TRIM49C: variants seen among roughly 807,000 people sequenced by gnomAD.
TRIM49C encodes tripartite motif containing 49C.
Under a neutral mutation model 21.4 loss-of-function variants are expected in TRIM49C, and 6 were observed. The observed-to-expected ratio is 0.28, with a 90% confidence interval of 0.15 to 0.55. TRIM49C has a LOEUF of 0.55. Ranked by LOEUF, TRIM49C falls within the 20% of genes least tolerant of loss-of-function variation. The probability of loss-of-function intolerance (pLI) is 0.94; values close to 1 mark genes in which losing one functional copy is unlikely to be tolerated. For synonymous variants in TRIM49C, 57 were observed against 148.1 expected (o/e 0.38, Z 4.47); for missense variants, 161 against 442.4 (o/e 0.36, Z 5.71).
Position 90,034,202 on chromosome 11 carries a change from C to A in TRIM49C, c.-4-1006C>A, listed in dbSNP as rs1327335391. Among the ~76,000 whole-genome samples, 314 of 114,896 alleles carry A rather than the reference C, an allele frequency of 2.7e-3. 12 individuals carry two copies. Among genetic ancestry groups the A allele is most frequent in the Non-Finnish European group, 3.3e-3 (202 of 60,910 alleles). The allele number at this position is 114,896 out of a possible 152,430, so 75.4% of individuals were successfully genotyped here. On this transcript the variant is annotated intron_variant, in intron 2 of 7. Transcript: ENST00000448984. ...AGAGACGGAGGAAGTTGCCTTTTTT[C>A]TGCCTTTTTCTTTATATCTGAGGTG...
the TRIM49C span, among the ~76,000 whole-genome samples, chr11:90,067,020 A>G: frequency 7.3e-6 from 1 of 137,436 alleles, no homozygotes. Flanking sequence ...TGCTATTATC[A>G]TTTTAGACTT....
chr11:90,046,427 T>C (rs1378216878), downstream of TRIM49C, among the ~76,000 whole-genome samples: 3 of 126,972 alleles, frequency 2.4e-5, no homozygotes, highest in African/African-American at 6.2e-5. Context: ...ATTTGGTTTG[T>C]AGGCTCATAA....
chr11:90,060,307 AG>A, the TRIM49C span, among the ~76,000 whole-genome samples: 1 of 147,408 alleles, frequency 6.8e-6, no homozygotes, highest in Non-Finnish European at 1.5e-5. Context: ...TAATTATGAG[AG>A]ATTTTTCCTT....
At chr11:90,056,193 C>T in the TRIM49C span, among the ~76,000 whole-genome samples, 18 of 137,390 alleles carry the variant, frequency 1.3e-4, 5 homozygotes, top group Non-Finnish European at 2.5e-4. Context: ...ATCTCCTGAC[C>T]TTGTGATCCG....
At chr11:90,039,443 T>C (rs1950753833) in intron 6 of TRIM49C, among the ~76,000 whole-genome samples, 1 of 129,346 alleles carries the variant, frequency 7.7e-6, no homozygotes, top group Non-Finnish European at 1.6e-5. Context: ...TATAAGTCTC[T>C]AGGGAAGTTC....
the TRIM49C span, among the ~76,000 whole-genome samples, chr11:90,066,853 TG>T: frequency 7.3e-6 from 1 of 137,712 alleles, no homozygotes; most frequent in Non-Finnish European, 1.6e-5. Context: ...CTGCAACCTC[TG>T]CCTCCGAGGT....
the TRIM49C span, chr11:90,051,866 G>C: frequency 7.1e-6 from 3 of 421,690 alleles, 1 homozygote; most frequent in Non-Finnish European, 4.3e-6. Flanking sequence ...GGCAGCGGGC[G>C]CTTCTCCTGC....
At chr11:90,043,511 A>G (rs985354791), downstream of TRIM49C, among the ~76,000 whole-genome samples, 272 of 121,758 alleles carry the variant, frequency 2.2e-3, 47 homozygotes, top group Middle Eastern at 3.6e-3. Context: ...ATATTGATTT[A>G]TTTAAAATAA....
chr11:90,045,174 T>C (rs1159722881), downstream of TRIM49C, among the ~76,000 whole-genome samples: 5 of 137,572 alleles, frequency 3.6e-5, 1 homozygote, highest in Non-Finnish European at 7.8e-5. Flanking sequence ...TTTTGGTTAC[T>C]GTAGCCTTGT....
At chr11:90,070,597 C>T in the TRIM49C span, among the ~76,000 whole-genome samples, 1 of 139,402 alleles carries the variant, frequency 7.2e-6, no homozygotes, top group East Asian at 2.2e-4. Context: ...TCTCCATGAG[C>T]GGTAGAATAA....
chr11:90,057,912 G>A, the TRIM49C span: 3 of 1,517,462 alleles, frequency 2.0e-6, 1 homozygote, highest in Non-Finnish European at 2.7e-6. Flanking sequence ...GGAGGAGAGG[G>A]TCACATCCAC....
downstream of TRIM49C, among the ~76,000 whole-genome samples, chr11:90,045,275 A>G (rs1000978175): frequency 9.6e-6 from 1 of 104,458 alleles, no homozygotes; most frequent in Non-Finnish European, 1.9e-5. Flanking sequence ...TTTTGGTTCC[A>G]CATGAACTTT....
At chr11:90,064,228 T>C in the TRIM49C span, among the ~76,000 whole-genome samples, 3 of 149,972 alleles carry the variant, frequency 2.0e-5, no homozygotes, top group African/African-American at 7.4e-5. Flanking sequence ...TTCCTTTCAA[T>C]ACATTAAATG....
chr11:90,066,654 CT>C, the TRIM49C span, among the ~76,000 whole-genome samples: 2 of 115,188 alleles, frequency 1.7e-5, no homozygotes, highest in African/African-American at 6.2e-5. Context: ...ATTCATCCAC[CT>C]TTTTGAATAA....
the TRIM49C span, among the ~76,000 whole-genome samples, chr11:90,065,822 G>A: frequency 8.0e-5 from 11 of 136,766 alleles, no homozygotes; most frequent in South Asian, 2.6e-4. Context: ...CGAGTTCGGC[G>A]GCAGGCACTT....
the TRIM49C span, among the ~76,000 whole-genome samples, chr11:90,047,074 G>A: frequency 8.2e-6 from 1 of 122,468 alleles, no homozygotes; most frequent in Non-Finnish European, 1.7e-5. Flanking sequence ...GTAGTTGAGC[G>A]GTTTTGAGTG....
the TRIM49C span, chr11:90,071,810 T>A: frequency 2.6e-5 from 25 of 955,550 alleles, 4 homozygotes; most frequent in Admixed American, 3.5e-4. Flanking sequence ...GTGGCCCTCT[T>A]GGTGGGATCA....
chr11:90,046,785 G>C (rs568043174), downstream of TRIM49C, among the ~76,000 whole-genome samples: 1 of 123,350 alleles, frequency 8.1e-6, no homozygotes, highest in Non-Finnish European at 1.6e-5. Context: ...TGCTCTGATC[G>C]TAGTTATTTC....
the TRIM49C span, among the ~76,000 whole-genome samples, chr11:90,056,307 G>A: frequency 7.6e-6 from 1 of 132,282 alleles, no homozygotes; most frequent in Non-Finnish European, 1.6e-5. Flanking sequence ...TCTTTCTACT[G>A]CATAGGAAGG....
Sources: gnomAD v4.1 joint callset for allele counts (sites outside exome capture counted in the v4.1 genomes callset) on GRCh38, gnomAD v4.1.1 for gene constraint, MANE v1.5 for transcripts, NCBI Gene and HGNC (gene_info 2026-07-23, HGNC 2026-07-21) for gene names.